Variants in CNTNAP2 observed in about 807,000 individuals in gnomAD.
The protein encoded by CNTNAP2 is contactin-associated protein-like 2.
CNTNAP2 carries 98 observed loss-of-function variants against 155.2 expected under a neutral mutation model. The observed-to-expected ratio is 0.63, with a 90% CI of 0.54 to 0.75. The LOEUF (loss-of-function observed/expected upper bound fraction) is 0.75. Ranked by LOEUF, CNTNAP2 falls within the 30% of genes least tolerant of loss-of-function variation. The probability of loss-of-function intolerance (pLI) is 0.00; values close to 1 mark genes in which losing one functional copy is unlikely to be tolerated. For missense variants in CNTNAP2, 1,727 were observed against 1,688.1 expected, an observed-to-expected ratio of 1.02 and a Z score of -0.40; for synonymous variants, 651 against 631.2, an observed-to-expected ratio of 1.03 and a Z score of -0.47.
intron 8 of CNTNAP2, among the ~76,000 whole-genome samples, chr7:147,271,785 A>C (rs533430572): frequency 1.3e-5 from 2 of 152,172 alleles, no homozygotes; most frequent in African/African-American, 2.4e-5. Context: ...GGTGCCTCCT[A>C]TAACACTTGG....
chr7:147,840,864 A>C (rs1298340310), intron 13 of CNTNAP2, among the ~76,000 whole-genome samples: 1 of 152,028 alleles, frequency 6.6e-6, no homozygotes, highest in Non-Finnish European at 1.5e-5. Flanking sequence ...CTTCTCCAAA[A>C]TCCACTTGGA....
intron 1 of CNTNAP2, among the ~76,000 whole-genome samples, chr7:146,607,085 T>C (rs972019269): frequency 2.0e-5 from 3 of 152,196 alleles, no homozygotes; most frequent in African/African-American, 4.8e-5. Context: ...CATATTTTCC[T>C]CCTTCTAATT....
chr7:147,080,712 A>T (rs940526449), intron 4 of CNTNAP2, among the ~76,000 whole-genome samples: 1 of 147,994 alleles, frequency 6.8e-6, no homozygotes, highest in African/African-American at 2.5e-5. Flanking sequence ...AATATATATA[A>T]ATATATATAT....
chr7:147,934,756 G>T (rs1247880920), intron 14 of CNTNAP2, among the ~76,000 whole-genome samples: 1 of 152,158 alleles, frequency 6.6e-6, no homozygotes, highest in Non-Finnish European at 1.5e-5. Flanking sequence ...GACTTTAAAT[G>T]AATATAACAG....
intron 13 of CNTNAP2, among the ~76,000 whole-genome samples, chr7:147,844,923 C>A (rs1370298862): frequency 6.9e-6 from 1 of 144,080 alleles, no homozygotes; most frequent in Non-Finnish European, 1.5e-5. Flanking sequence ...ATTGAACCAG[C>A]CTTGCATCCC....
Position 146,721,325 on chromosome 7 carries a change from AT to A in CNTNAP2, c.98-52945del, listed in dbSNP as rs1482335526. Among the ~76,000 whole-genome samples the A allele has an allele frequency of 2.3e-5, 3 of 131,848 alleles. 1 individual carries two copies. The allele number at this position is 131,848 out of a possible 152,430, so 86.5% of individuals were successfully genotyped here. Reference sequence around the variant, plus strand: ...TATGTATTCTATATATATTCTATATATACATTCTATATACATTCTATATATA... The same window carrying A: ...TATGTATTCTATATATATTCTATATAACATTCTATATACATTCTATATATA... On this transcript the variant is annotated intron_variant, in intron 1 of 23. Transcript: ENST00000361727.
At chr7:146,968,057 A>G (rs1797695430) in intron 3 of CNTNAP2, among the ~76,000 whole-genome samples, 1 of 148,902 alleles carries the variant, frequency 6.7e-6, no homozygotes, top group Non-Finnish European at 1.5e-5. Context: ...TTCTGCATCT[A>G]TTGAGATAAT....
intron 14 of CNTNAP2, among the ~76,000 whole-genome samples, chr7:147,917,490 A>G (rs957238219): frequency 4.6e-5 from 7 of 152,194 alleles, no homozygotes; most frequent in African/African-American, 1.7e-4. Context: ...AGCTCCAGCC[A>G]TTATGCTTCC....
intron 4 of CNTNAP2, among the ~76,000 whole-genome samples, chr7:147,055,190 C>T (rs113670586): frequency 1.3e-5 from 2 of 152,200 alleles, no homozygotes; most frequent in African/African-American, 4.8e-5. Flanking sequence ...AGCAAGATAT[C>T]CCTGTGTTAG....
intron 1 of CNTNAP2, among the ~76,000 whole-genome samples, chr7:146,520,383 C>A (rs1220536557): frequency 6.7e-6 from 1 of 149,042 alleles, no homozygotes. Flanking sequence ...ATATACACCT[C>A]TGAAGAGAAA....
Position 147,562,242 on chromosome 7 carries a change from T to C in CNTNAP2, c.1882T>C (p.Tyr628His), listed in dbSNP as rs770030792. Reference sequence around the variant, plus strand: ...CGGACCTCTGGGGCCTCTGAAAGTTTACTGCAACATGACAGGTAACTGTGT... The same window carrying C: ...CGGACCTCTGGGGCCTCTGAAAGTTCACTGCAACATGACAGGTAACTGTGT... ...GSGPLGPLKV[Y>H]CNMTEDKVWT... The change falls in exon 12 of 24, where the codon TAC (tyrosine) becomes CAC (histidine). Residue 628 changes from tyrosine (Y) to histidine (H), a missense_variant. Physicochemically the swap from Tyr to His is moderately conservative, Grantham distance 83. Coordinates refer to ENST00000361727, the MANE Select transcript of CNTNAP2 (RefSeq NM_014141.6). 41 of 1,613,896 alleles carry C rather than the reference T, an allele frequency of 2.5e-5. No individual in the cohort carries two copies. Among genetic ancestry groups the C allele is most frequent in the Non-Finnish European group, 5.1e-6 (6 of 1,179,908 alleles).
rs973139669 is a variant in CNTNAP2 at position 147,038,856 on chromosome 7, T to C, written c.403-5051T>C. On this transcript the variant is annotated intron_variant, in intron 3 of 23. Transcript: ENST00000361727. ...TGTTAAAAATTATAAGATGTATAAC[T>C]TTCTTGCTTAAAACTCTCTAGTAGA... Among the ~76,000 whole-genome samples the C allele has an allele frequency of 1.8e-4, 27 of 152,326 alleles. 1 individual carries two copies. The Middle Eastern group carries it at 0.01, about 58-fold the overall frequency.
At chr7:148,140,747 G>T (rs1220147426) in intron 16 of CNTNAP2, among the ~76,000 whole-genome samples, 1 of 152,164 alleles carries the variant, frequency 6.6e-6, no homozygotes, top group African/African-American at 2.4e-5. Flanking sequence ...ATGCCATCTG[G>T]TGTGGCCCTA....
chr7:146,800,402 C>T (rs766181211), intron 2 of CNTNAP2, among the ~76,000 whole-genome samples: 12 of 152,218 alleles, frequency 7.9e-5, no homozygotes, highest in Non-Finnish European at 2.9e-5. Context: ...TGACCCTAGC[C>T]TTGTCAGAAA....
chr7:148,002,345 G>C (rs1447436333), intron 15 of CNTNAP2, among the ~76,000 whole-genome samples: 1 of 152,084 alleles, frequency 6.6e-6, no homozygotes, highest in African/African-American at 2.4e-5. Flanking sequence ...TTTAGAACCA[G>C]CATTTCAATG....
intron 13 of CNTNAP2, among the ~76,000 whole-genome samples, chr7:147,897,833 G>A (rs755960805): frequency 2.0e-5 from 3 of 152,204 alleles, no homozygotes; most frequent in Non-Finnish European, 2.9e-5. Flanking sequence ...TTGGCCATGG[G>A]AAGCATCAGA....
At chr7:147,114,111 T>C (rs1239593127) in intron 5 of CNTNAP2, among the ~76,000 whole-genome samples, 2 of 152,198 alleles carry the variant, frequency 1.3e-5, no homozygotes, top group South Asian at 2.1e-4. Flanking sequence ...ACTTTCCATG[T>C]AGTTGTGTCG....
chr7:146,524,857 A>T (rs909957438), intron 1 of CNTNAP2, among the ~76,000 whole-genome samples: 15 of 152,262 alleles, frequency 9.9e-5, no homozygotes, highest in African/African-American at 3.1e-4. Context: ...TTCTACAAAC[A>T]TTATTTCAGT....
intron 11 of CNTNAP2, among the ~76,000 whole-genome samples, chr7:147,518,569 G>T (rs182053926): frequency 6.6e-6 from 1 of 152,140 alleles, no homozygotes; most frequent in Non-Finnish European, 1.5e-5. Context: ...TAGCTCTTCC[G>T]GTGGACAGAG....
Sources: gnomAD v4.1 joint callset for allele counts (sites outside exome capture counted in the v4.1 genomes callset) on GRCh38, gnomAD v4.1.1 for gene constraint, MANE v1.5 for transcripts, NCBI Gene and HGNC (gene_info 2026-07-23, HGNC 2026-07-21) for gene names.